USP44: variants seen among roughly 807,000 people sequenced by gnomAD.
USP44 encodes ubiquitin carboxyl-terminal hydrolase 44.
USP44 carries 61 observed loss-of-function variants against 69.0 expected under a neutral mutation model. The observed-to-expected ratio is 0.88, with a 90% CI of 0.72 to 1.09. The LOEUF is 1.09. Ranked by LOEUF, USP44 falls within the 50% of genes least tolerant of loss-of-function variation. The probability of loss-of-function intolerance (pLI) is 0.00; values close to 1 mark genes in which losing one functional copy is unlikely to be tolerated. For missense variants in USP44, 753 were observed against 849.9 expected (o/e 0.89, Z 1.42); for synonymous variants, 297 against 295.4 (o/e 1.01, Z -0.06).
chr12:95,536,239 C>T (rs941892155), intron 1 of USP44, among the ~76,000 whole-genome samples: 2 of 151,932 alleles, frequency 1.3e-5, no homozygotes, highest in African/African-American at 2.4e-5. Context: ...GACATAGTTT[C>T]ACCATGTTGC....
At position 95,533,715 on chromosome 12, in the gene USP44, T is replaced by A; in HGVS notation, c.542A>T (p.Gln181Leu). The change falls in exon 2 of 6, where the codon CAG becomes CTG. Residue 181 changes from glutamine (Q) to leucine (L), a missense_variant. Physicochemically the swap from Gln to Leu is moderately radical, Grantham distance 113 (BLOSUM62 -2). Transcript: ENST00000258499. ...IGRKKQEEPF[Q>L]EKIVVKREVK... ...TTCTCTTTTTACTACTATTTTTTCC[T>A]GAAATGGTTCTTCTTGCTTTTTTCT... is the stretch of plus-strand genomic sequence containing the variant. The A allele has an allele frequency of 1.2e-6, 2 of 1,614,046 alleles. No individual in the cohort carries two copies. The highest frequency in any genetic ancestry group is 1.7e-6 in the Non-Finnish European group (2 of 1,180,028).
chr12:95,530,933 G>A (rs1000531868), intron 2 of USP44, among the ~76,000 whole-genome samples: 37 of 152,204 alleles, frequency 2.4e-4, no homozygotes, highest in Admixed American at 7.9e-4. Context: ...GGGAGGCCGA[G>A]GCGCGTGGAT....
At position 95,548,843 on chromosome 12, in the gene USP44, C is replaced by G. The variant is rs1006645955; in HGVS notation, c.-71+2429G>C. On this transcript the variant is annotated intron_variant, in intron 1 of 5. Coordinates refer to ENST00000258499, the MANE Select transcript of USP44 (RefSeq NM_032147.5). The surrounding 1 kb of genome is among the most constrained non-coding windows in gnomAD (Gnocchi z 4.1). ...CCCCCGGTTCGGCGGCCGCGACGAC[C>G]CGGTGCGGCGGCTACGACAGCCGTG... 2 of 152,084 alleles carry G rather than the reference C, an allele frequency of 1.3e-5. No individual in the cohort carries two copies. The highest frequency in any genetic ancestry group is 2.9e-5 in the Non-Finnish European group (2 of 68,056). The allele number at this position is 152,084 out of a possible 1,614,324, so 9.4% of individuals were successfully genotyped here. A position where few individuals can be genotyped will look rare whatever the true frequency, so the allele number is the denominator to read the frequency against.
At position 95,528,864 on chromosome 12, in the gene USP44, T is replaced by G. The variant is rs1271802400; in HGVS notation, c.1567A>C (p.Lys523Gln). 1.9e-6 allele frequency: 3 copies of G among 1,614,104 alleles called. No individual in the cohort carries two copies. Among genetic ancestry groups the G allele is most frequent in the Admixed American group, 1.7e-5 (1 of 60,030 alleles). The change falls in exon 3 of 6, where the codon AAA becomes CAA. Residue 523 changes from lysine (K) to glutamine (Q), a missense_variant. Coordinates refer to ENST00000258499, the MANE Select transcript of USP44 (RefSeq NM_032147.5). ...TCTAAAGCTTCAGTTTCTGTAAATTTGGCCAACATTTCAGTAACCAGACAT... is the reference window on the plus strand; with the variant it reads ...TCTAAAGCTTCAGTTTCTGTAAATTGGGCCAACATTTCAGTAACCAGACAT... ...QPCLVTEMLA[K>Q]FTETEALEGK...
chr12:95,521,795 G>A (rs1417607451), intron 4 of USP44, among the ~76,000 whole-genome samples: 2 of 152,054 alleles, frequency 1.3e-5, no homozygotes, highest in Admixed American at 1.3e-4. Context: ...CCCCACCGAA[G>A]GGTTTTTAAT....
At chr12:95,518,444 A>AAT in intron 5 of USP44, 91 bp from the exon 6 acceptor site, 1 of 1,295,222 alleles carries the variant, frequency 7.7e-7, no homozygotes. Flanking sequence ...CTGAAGGGAA[A>AAT]ATAATTTTCT....
chr12:95,518,183 C>T lies in USP44; in HGVS notation c.2110G>A (p.Asp704Asn), dbSNP rs367906455. The change falls in exon 6 of 6, where the codon GAT (aspartate) becomes AAT (asparagine). Residue 704 changes from aspartate to asparagine, a missense_variant. Transcript: ENST00000258499. ...LGSQHPNEDADTSSNEILS is the reference protein window; with the variant it reads ...LGSQHPNEDANTSSNEILS The stretch of plus-strand genomic sequence containing the variant: ...CTAAGGATTTCATTAGACGAGGTAT[C>T]AGCGTCTTCATTGGGATGTTGGCTC... The T allele has an allele frequency of 6.2e-7, 1 of 1,614,140 alleles. No homozygotes were observed. The highest frequency in any genetic ancestry group is 1.7e-5 in the Admixed American group (1 of 60,026).
At chr12:95,521,490 T>C (rs1016380714) in intron 4 of USP44, among the ~76,000 whole-genome samples, 1 of 151,784 alleles carries the variant, frequency 6.6e-6, no homozygotes, top group Non-Finnish European at 1.5e-5. Context: ...CACGAAAGGG[T>C]TGGGGATTTT....
intron 1 of USP44, among the ~76,000 whole-genome samples, chr12:95,536,983 G>A (rs1211494955): frequency 2.0e-5 from 3 of 152,194 alleles, no homozygotes; most frequent in Non-Finnish European, 2.9e-5. Flanking sequence ...GCAACACAGA[G>A]CCACTGAAGA....
chr12:95,542,003 C>A (rs2077406598), intron 1 of USP44, among the ~76,000 whole-genome samples: 1 of 151,642 alleles, frequency 6.6e-6, no homozygotes, highest in African/African-American at 2.4e-5. Flanking sequence ...ACTTCAGCCT[C>A]CCAAGTAGCT....
At chr12:95,528,635 A>C (rs2076926023) in intron 3 of USP44, among the ~76,000 whole-genome samples, 172 bp downstream of exon 3, 1 of 152,214 alleles carries the variant, frequency 6.6e-6, no homozygotes, top group South Asian at 2.1e-4. Flanking sequence ...ATATGGCCAA[A>C]CAAATGCATA....
chr12:95,532,167 G>GT (rs1272256143), intron 2 of USP44, among the ~76,000 whole-genome samples: 39,798 of 126,544 alleles, frequency 0.31, 6,749 homozygotes, highest in East Asian at 0.57. Context: ...CTTTCTTTGG[G>GT]TTTTTTTTTT....
chr12:95,530,891 G>A (rs1476189267), intron 2 of USP44, among the ~76,000 whole-genome samples: 1 of 152,192 alleles, frequency 6.6e-6, no homozygotes, highest in Non-Finnish European at 1.5e-5. Flanking sequence ...GTGGCCAGGA[G>A]CAGTGGCTCA....
rs1043551142 is a variant in USP44, at chr12:95,517,233, A to G, written c.*921T>C. On this transcript the variant is annotated 3_prime_UTR_variant, in exon 6 of 6. Coordinates refer to ENST00000258499, the MANE Select transcript of USP44 (RefSeq NM_032147.5). Reference sequence around the variant, plus strand: ...TAGACATAATAATAGTCCAGTTGCCAATTTTGAACACTTATCTTTTCTGCC... The same window carrying G: ...TAGACATAATAATAGTCCAGTTGCCGATTTTGAACACTTATCTTTTCTGCC... 3.3e-5 allele frequency: 5 copies of G among 152,052 alleles called. No homozygotes were observed. The highest frequency in any genetic ancestry group is 5.9e-5 in the Non-Finnish European group (4 of 68,016). 9.4% of individuals were successfully genotyped at this position (152,052 alleles called of 1,614,324 possible). A position where few individuals can be genotyped will look rare whatever the true frequency, so the allele number is the denominator to read the frequency against.
At chr12:95,519,033 G>T (rs1293643489) in intron 5 of USP44, among the ~76,000 whole-genome samples, 1 of 152,008 alleles carries the variant, frequency 6.6e-6, no homozygotes, top group Admixed American at 6.6e-5. Flanking sequence ...TTTTTACTGT[G>T]AAACTTATGG....
intron 5 of USP44, 122 bp from the exon 6 acceptor site, chr12:95,518,475 A>C: frequency 1.0e-6 from 1 of 982,008 alleles, no homozygotes; most frequent in African/African-American, 1.6e-5. Context: ...TTTTTCTTTA[A>C]TGAGAAATAT....
chr12:95,533,178 G>A lies in USP44; in HGVS notation c.1079C>T (p.Ala360Val). Residue 360 changes from alanine to valine, a missense_variant, in exon 2 of 6, where the codon GCA becomes GTA. Transcript: ENST00000258499. ...SSLSSGLSGGASKGRKMELIQ... is the reference protein window; with the variant it reads ...SSLSSGLSGGVSKGRKMELIQ... ...AAGTTCCATCTTTCTACCTTTTGAT[G>A]CTCCACCACTTAGTCCTGATGACAG... The A allele has an allele frequency of 6.2e-7, 1 of 1,614,122 alleles. No homozygotes were observed.
rs2076781255 is a variant in USP44, at chr12:95,524,760, T to C, written c.1653A>G (p.Pro551=). ...NSKRRRFSSK[P]VVLTEAQKQL... is the part of the protein sequence containing the mutation. ...GTTTCTGGGCTTCTGTGAGTACAAC[T>C]GGTTTGGAGGAAAACCTTCTACGCT... The change falls in exon 4 of 6, where the codon CCA becomes CCG. Residue 551 remains proline (P), a synonymous_variant. Coordinates refer to ENST00000258499, the MANE Select transcript of USP44 (RefSeq NM_032147.5). 6.2e-7 allele frequency: 1 copy of C among 1,611,744 alleles called. No individual in the cohort carries two copies. Among genetic ancestry groups the C allele is most frequent in the African/African-American group, 1.3e-5 (1 of 74,900 alleles).
chr12:95,534,056 A>C lies in USP44; in HGVS notation c.201T>G (p.Pro67=). The C allele has an allele frequency of 6.2e-7, 1 of 1,614,218 alleles. No individual in the cohort carries two copies. Among genetic ancestry groups the C allele is most frequent in the Non-Finnish European group, 8.5e-7 (1 of 1,180,038 alleles). Residue 67 remains proline (P), a synonymous_variant, in exon 2 of 6, where the codon CCT becomes CCG. Coordinates refer to ENST00000258499, the MANE Select transcript of USP44 (RefSeq NM_032147.5). ...ACATCTCATTCACCTCCAATGCAAC[A>C]GGATGACTGCTTTCTTGAAAGTGCT... ...ALKHFQESSH[P]VALEVNEMYV... is the part of the protein sequence containing the mutation.
Sources: allele counts gnomAD v4.1 joint callset (sites outside exome capture counted in the v4.1 genomes callset), GRCh38; gene constraint gnomAD v4.1.1; non-coding constraint Gnocchi (gnomAD v3.1); transcripts MANE v1.5; gene names NCBI Gene and HGNC (gene_info 2026-07-23, HGNC 2026-07-21).